The following CABIN1 variants were observed in gnomAD, a reference collection of about 807,000 sequenced individuals.
The protein encoded by CABIN1 is calcineurin binding protein 1.
In CABIN1, 133 loss-of-function variants were observed where a neutral mutation model predicts 227.7. The observed-to-expected ratio is 0.58, with a 90% confidence interval of 0.51 to 0.67. CABIN1 has a LOEUF of 0.67. Ranked by LOEUF, CABIN1 falls within the 30% of genes least tolerant of loss-of-function variation. The probability of loss-of-function intolerance (pLI) is 0.00; values close to 1 mark genes in which losing one functional copy is unlikely to be tolerated. For missense variants in CABIN1, 2,408 were observed against 2,852.5 expected (o/e 0.84, Z 3.55); for synonymous variants, 1,086 against 1,155.1 (o/e 0.94, Z 1.21).
At chr22:24,133,073 G>A (rs888883713) in intron 28 of CABIN1, among the ~76,000 whole-genome samples, 3 of 152,190 alleles carry the variant, frequency 2.0e-5, no homozygotes, top group Non-Finnish European at 2.9e-5. Flanking sequence ...TCCCTCCTCT[G>A]CCTGTCTCTC....
chr22:24,098,319 A>G, intron 26 of CABIN1, 127 bp downstream of exon 26: 12 of 1,555,960 alleles, frequency 7.7e-6, no homozygotes, highest in Non-Finnish European at 1.0e-5. Flanking sequence ...GACACGGGCA[A>G]TGTTGCGGCT....
intron 1 of CABIN1, among the ~76,000 whole-genome samples, chr22:24,026,427 T>G (rs1369131664): frequency 6.6e-6 from 1 of 152,214 alleles, no homozygotes; most frequent in Non-Finnish European, 1.5e-5. Context: ...AGTTTTTTGC[T>G]TATGGGTTGT....
At position 24,050,814 on chromosome 22, in the gene CABIN1, C is replaced by T; in HGVS notation, c.657-11C>T. ...AACATGATAATTTCTCCCTGTCTCA[C>T]ATGCTTTTAGTGACATGTCGATTCA... is the stretch of plus-strand genomic sequence containing the variant. On this transcript the variant is annotated splice_polypyrimidine_tract_variant and intron_variant, in intron 7 of 36. Coordinates refer to ENST00000263119, the MANE Select transcript of CABIN1 (RefSeq NM_012295.4). 1 of 1,614,160 alleles carries T rather than the reference C, an allele frequency of 6.2e-7. No homozygotes were observed. The highest frequency in any genetic ancestry group is 8.5e-7 in the Non-Finnish European group (1 of 1,180,022).
intron 5 of CABIN1, among the ~76,000 whole-genome samples, chr22:24,042,207 C>G (rs975942120): frequency 2.6e-5 from 4 of 152,236 alleles, no homozygotes; most frequent in Non-Finnish European, 4.4e-5. Flanking sequence ...CTGCCCACCT[C>G]AGCCTCCCAA....
chr22:24,067,375 G>T (rs1431891062), intron 16 of CABIN1, among the ~76,000 whole-genome samples, 194 bp downstream of exon 16: 1 of 152,254 alleles, frequency 6.6e-6, no homozygotes, highest in East Asian at 1.9e-4. Context: ...GAACCAAGGA[G>T]TGCAGGTTCT....
At position 24,130,494 on chromosome 22, in the gene CABIN1, G is replaced by C. The variant is rs150267109; in HGVS notation, c.4633-3808G>C. Among the ~76,000 whole-genome samples, 107 of 152,210 alleles carry C rather than the reference G, an allele frequency of 7.0e-4. 1 individual carries two copies. Among genetic ancestry groups the C allele is most frequent in the African/African-American group, 2.4e-3 (101 of 41,516 alleles). On this transcript the variant is annotated intron_variant, in intron 28 of 36. Coordinates refer to ENST00000263119, the MANE Select transcript of CABIN1 (RefSeq NM_012295.4). ...CATTGGTAATTCTGTGAGGTGAGGG[G>C]TTATGGCACTGTGCTCAACCCAGGA...
intron 25 of CABIN1, 152 bp from the exon 26 acceptor site, chr22:24,097,862 T>A: frequency 1.1e-6 from 1 of 951,768 alleles, no homozygotes; most frequent in Non-Finnish European, 1.7e-6. Flanking sequence ...GGGGCAACTA[T>A]GGGCTCTGTG....
intron 29 of CABIN1, among the ~76,000 whole-genome samples, chr22:24,158,175 A>G (rs997896633): frequency 6.6e-6 from 1 of 152,278 alleles, no homozygotes; most frequent in East Asian, 1.9e-4. Context: ...TCCTCCAGGA[A>G]GCCTTGCCCA....
At position 24,171,787 on chromosome 22, in the gene CABIN1, G is replaced by T; in HGVS notation, c.5832G>T (p.Val1944=). 2 of 1,614,184 alleles carry T rather than the reference G, an allele frequency of 1.2e-6. No individual in the cohort carries two copies. Among genetic ancestry groups the T allele is most frequent in the Non-Finnish European group, 1.7e-6 (2 of 1,180,026 alleles). ...SRENFFPVTV[V]PTAPDPVPAD... ...AGAACTTCTTTCCTGTGACAGTGGTGCCCACAGCCCCTGACCCTGTGCCAG... is the reference window on the plus strand; with the variant it reads ...AGAACTTCTTTCCTGTGACAGTGGTTCCCACAGCCCCTGACCCTGTGCCAG... Residue 1944 remains valine (V), a synonymous_variant, in exon 34 of 37, where the codon GTG becomes GTT. Transcript: ENST00000263119.
chr22:24,128,537 A>T (rs1303747470), intron 28 of CABIN1, among the ~76,000 whole-genome samples: 1 of 152,092 alleles, frequency 6.6e-6, no homozygotes, highest in Non-Finnish European at 1.5e-5. Flanking sequence ...ATCAGCAGGT[A>T]GCCACACACT....
At chr22:24,067,419 T>C (rs2039767349) in intron 16 of CABIN1, among the ~76,000 whole-genome samples, 1 of 152,166 alleles carries the variant, frequency 6.6e-6, no homozygotes, top group South Asian at 2.1e-4. Flanking sequence ...AACCCCACAC[T>C]TGACTCAGAA....
intron 10 of CABIN1, 47 bp downstream of exon 10, chr22:24,056,407 C>T: frequency 6.4e-7 from 1 of 1,571,172 alleles, no homozygotes; most frequent in African/African-American, 1.3e-5. Context: ...CACAAAGCTC[C>T]AGCATACACC....
At chr22:24,052,808 T>A (rs911043682) in intron 8 of CABIN1, among the ~76,000 whole-genome samples, 5 of 150,714 alleles carry the variant, frequency 3.3e-5, no homozygotes, top group African/African-American at 1.2e-4. Context: ...AAAAAAAAAT[T>A]AAAAAATAAA....
intron 10 of CABIN1, 91 bp from the exon 11 acceptor site, chr22:24,059,136 G>A (rs2039011122): frequency 2.6e-6 from 4 of 1,553,726 alleles, no homozygotes; most frequent in Middle Eastern, 2.2e-4. Context: ...CCTTCTTCCT[G>A]ACTCAGATTT....
At chr22:24,166,583 A>G in intron 31 of CABIN1, 56 bp from the exon 32 acceptor site, 1 of 1,608,060 alleles carries the variant, frequency 6.2e-7, no homozygotes, top group Non-Finnish European at 8.5e-7. Flanking sequence ...CCCAGAGGTG[A>G]CTCATTGCAG....
At chr22:24,116,951 A>G (rs2043121837) in intron 27 of CABIN1, among the ~76,000 whole-genome samples, 2 of 152,114 alleles carry the variant, frequency 1.3e-5, no homozygotes, top group African/African-American at 4.8e-5. Context: ...CACACATTTT[A>G]CTTGCTTTTT....
At chr22:24,036,627 G>T (rs2036912242) in intron 3 of CABIN1, among the ~76,000 whole-genome samples, 1 of 152,084 alleles carries the variant, frequency 6.6e-6, no homozygotes, top group Non-Finnish European at 1.5e-5. Flanking sequence ...TAGATTGTTG[G>T]TCACTCCTCT....
At chr22:24,017,621 T>C (rs758488669) in intron 1 of CABIN1, among the ~76,000 whole-genome samples, 1 of 152,246 alleles carries the variant, frequency 6.6e-6, no homozygotes, top group Non-Finnish European at 1.5e-5. Context: ...TACTGTAATG[T>C]CTTCAAGGTT....
intron 29 of CABIN1, among the ~76,000 whole-genome samples, chr22:24,150,707 C>T (rs895094644): frequency 6.6e-6 from 1 of 152,196 alleles, no homozygotes; most frequent in Non-Finnish European, 1.5e-5. Context: ...TACGTTTTGG[C>T]CACAGATAAT....
Sources: gnomAD v4.1 joint callset for allele counts (sites outside exome capture counted in the v4.1 genomes callset) on GRCh38, gnomAD v4.1.1 for gene constraint, MANE v1.5 for transcripts, NCBI Gene and HGNC (gene_info 2026-07-23, HGNC 2026-07-21) for gene names.